CFAP74: variants seen among roughly 807,000 people sequenced by gnomAD.
The protein encoded by CFAP74 is cilia and flagella associated protein 74, also known as cilia- and flagella-associated protein 74.
Under a neutral mutation model 188.9 loss-of-function variants are expected in CFAP74, and 124 were observed. That is an observed-to-expected ratio of 0.66 (90% CI 0.57 to 0.76). The LOEUF is 0.76. Ranked by LOEUF, CFAP74 falls within the 30% of genes least tolerant of loss-of-function variation. The probability of loss-of-function intolerance (pLI) is 0.00; values close to 1 mark genes in which losing one functional copy is unlikely to be tolerated. For missense variants in CFAP74, 2,198 were observed against 2,165.2 expected (o/e 1.02, Z -0.30); for synonymous variants, 956 against 916.7 (o/e 1.04, Z -0.77).
Position 1,979,406 on chromosome 1 carries a change from T to C in CFAP74, c.501-5208A>G, listed in dbSNP as rs1225014427. 7.0e-3 allele frequency among the ~76,000 whole-genome samples: 472 copies of C among 67,314 alleles called. 3 individuals are homozygous for C. The highest frequency in any genetic ancestry group is 0.019 in the African/African-American group (307 of 16,496). 44.2% of individuals were successfully genotyped at this position (67,314 alleles called of 152,430 possible). Reference sequence around the variant, plus strand: ...GGGAAGGCGTCACGTGACAAGGCTGTGCAGAACACGCGTGTGGTACTGAGC... The same window carrying C: ...GGGAAGGCGTCACGTGACAAGGCTGCGCAGAACACGCGTGTGGTACTGAGC... On this transcript the variant is annotated intron_variant, in intron 6 of 38. Coordinates refer to ENST00000682832, the MANE Select transcript of CFAP74 (RefSeq NM_001304360.2).
intron 19 of CFAP74, among the ~76,000 whole-genome samples, chr1:1,946,724 A>C (rs1395071609): frequency 2.0e-5 from 3 of 152,080 alleles, no homozygotes; most frequent in East Asian, 3.9e-4. Flanking sequence ...GCCAGCATCC[A>C]CCCCAAGTTT....
Position 1,963,780 on chromosome 1 carries a change from C to G in CFAP74, c.1663G>C (p.Glu555Gln). ...TGGATGAAGTCCCGGAGGTGCTCCT[C>G]CACGCCCACCAGCTTGCAGTAGTTG... ...TINYCKLVGVEEHLRDFIHVD... is the reference protein window; with the variant it reads ...TINYCKLVGVQEHLRDFIHVD... Residue 555 changes from glutamate (E) to glutamine (Q), a missense_variant, in exon 14 of 39, where the codon GAG becomes CAG. Glu to Gln is a conservative substitution (Grantham distance 29). Coordinates refer to ENST00000682832, the MANE Select transcript of CFAP74 (RefSeq NM_001304360.2). The G allele has an allele frequency of 6.2e-7, 1 of 1,613,850 alleles. No individual in the cohort carries two copies. The highest frequency in any genetic ancestry group is 8.5e-7 in the Non-Finnish European group (1 of 1,179,818).
intron 4 of CFAP74, among the ~76,000 whole-genome samples, chr1:1,987,397 C>T (rs557801789): frequency 7.4e-4 from 113 of 152,290 alleles, no homozygotes; most frequent in African/African-American, 2.7e-3. Context: ...AGCTCCTCCA[C>T]CATCTTCCAG....
chr1:1,966,250 A>T, intron 12 of CFAP74, 121 bp downstream of exon 12: 1 of 926,682 alleles, frequency 1.1e-6, no homozygotes, highest in Non-Finnish European at 1.5e-6. Context: ...GGGAGATGGC[A>T]GGCACAGCCA....
At chr1:1,934,941 A>AATGAAAGTGTGAC (rs1351244889) in intron 25 of CFAP74, among the ~76,000 whole-genome samples, 100 of 76,278 alleles carry the variant, frequency 1.3e-3, no homozygotes, top group Non-Finnish European at 1.6e-3. Context: ...ACAGGTGTGT[A>AATGAAAGTGTGAC]CGTGGGTGTT....
Position 1,925,777 on chromosome 1 carries a change from C to T in CFAP74, c.4104+6G>A, listed in dbSNP as rs1471294547. 8 of 1,608,882 alleles carry T rather than the reference C, an allele frequency of 5.0e-6. No individual in the cohort carries two copies. The highest frequency in any genetic ancestry group is 6.8e-6 in the Non-Finnish European group (8 of 1,177,218). ...GAGCCAGCACCAGGGCCCACGTGTG[C>T]TTCACCTTGAAGCCTGAGGACACAG... On this transcript the variant is annotated splice_donor_region_variant and intron_variant, in intron 33 of 38. Transcript: ENST00000682832.
Position 1,926,562 on chromosome 1 carries a change from G to T in CFAP74, c.3773-50C>A, listed in dbSNP as rs564090760. 15 of 1,548,938 alleles carry T rather than the reference G, an allele frequency of 9.7e-6. No individual in the cohort carries two copies. The East Asian group carries it at 3.7e-4, about 38-fold the overall frequency. ...GCCCCAGCCCCAGGCCCCAGGGAGC[G>T]TCTCTGCCAGGGGTGGGCCGTGGGG... On this transcript the variant is annotated intron_variant, in intron 30 of 38. Coordinates refer to ENST00000682832, the MANE Select transcript of CFAP74 (RefSeq NM_001304360.2).
At chr1:1,922,446 C>A in intron 38 of CFAP74, 58 bp from the exon 39 acceptor site, 1 of 1,555,298 alleles carries the variant, frequency 6.4e-7, no homozygotes, top group Non-Finnish European at 8.8e-7. Context: ...CAGAGGAGAT[C>A]TGCTGTCTTC....
intron 25 of CFAP74, among the ~76,000 whole-genome samples, chr1:1,930,905 C>T (rs1652317224): frequency 6.6e-6 from 1 of 152,130 alleles, no homozygotes; most frequent in Non-Finnish European, 1.5e-5. Flanking sequence ...TAAAAAGAGG[C>T]CGGGACCTGG....
At chr1:1,961,940 G>A (rs1655118471) in intron 14 of CFAP74, among the ~76,000 whole-genome samples, 1 of 152,234 alleles carries the variant, frequency 6.6e-6, no homozygotes, top group Admixed American at 6.5e-5. Flanking sequence ...GCCCCTGGGG[G>A]CAGCCTCAGG....
At chr1:1,982,551 CCAG>C (rs1656969132) in intron 6 of CFAP74, among the ~76,000 whole-genome samples, 2 of 152,258 alleles carry the variant, frequency 1.3e-5, no homozygotes. Flanking sequence ...GGAGAGCAGA[CCAG>C]AGGTTGCCTG....
intron 28 of CFAP74, chr1:1,927,365 T>C (rs1263554738): frequency 7.1e-6 from 4 of 564,356 alleles, no homozygotes; most frequent in Non-Finnish European, 1.3e-5. Context: ...GGGTGGGGGG[T>C]GGTGGCTTTG....
chr1:1,972,212 C>T lies in CFAP74; in HGVS notation c.786-130G>A, dbSNP rs868353661. 1.1e-4 allele frequency: 81 copies of T among 711,988 alleles called. 2 individuals carry two copies. In the Middle Eastern group the frequency reaches 3.6e-3, roughly 32 times the overall value. The allele number at this position is 711,988 out of a possible 1,614,324, so 44.1% of individuals were successfully genotyped here. On this transcript the variant is annotated intron_variant, in intron 8 of 38. Coordinates refer to ENST00000682832, the MANE Select transcript of CFAP74 (RefSeq NM_001304360.2). ...CCTCCTGTCTCAGCCTCCCAAAGCG[C>T]TGGGATCACAGGCATGCACCACCAC...
chr1:1,954,907 G>A lies in CFAP74; in HGVS notation c.2176+784C>T, dbSNP rs201662806. On this transcript the variant is annotated intron_variant, in intron 18 of 38. Transcript: ENST00000682832. ...CACAGGCCAAGGGGCAGTGCAGAACGGCCTTCGCAACAGTGTGTACCACGA... is the reference window on the plus strand; with the variant it reads ...CACAGGCCAAGGGGCAGTGCAGAACAGCCTTCGCAACAGTGTGTACCACGA... 529 of 1,154,048 alleles carry A rather than the reference G, an allele frequency of 4.6e-4. 3 individuals carry two copies. Among genetic ancestry groups the A allele is most frequent in the Middle Eastern group, 7.9e-4 (2 of 2,534 alleles). 71.5% of individuals were successfully genotyped at this position (1,154,048 alleles called of 1,614,324 possible). A position where few individuals can be genotyped will look rare whatever the true frequency, so the allele number is the denominator to read the frequency against.
chr1:1,983,537 C>T (rs893345636), intron 6 of CFAP74: 7 of 152,294 alleles, frequency 4.6e-5, no homozygotes, highest in African/African-American at 1.7e-4. Context: ...ACCGAGGCTC[C>T]TTCTGACTGG....
At chr1:1,938,781 T>C (rs1653137596) in intron 25 of CFAP74, 74 bp downstream of exon 25, 3 of 1,481,000 alleles carry the variant, frequency 2.0e-6, no homozygotes, top group African/African-American at 2.8e-5. Flanking sequence ...GGGGATGTGG[T>C]GGAGCTGGGA....
intron 1 of CFAP74, among the ~76,000 whole-genome samples, chr1:1,998,162 C>T (rs553463407): frequency 1.5e-3 from 226 of 152,212 alleles, no homozygotes; most frequent in African/African-American, 5.4e-3. Flanking sequence ...CCTGTAATCC[C>T]AGCTACTTCG....
Position 1,960,009 on chromosome 1 carries a change from CAG to C in CFAP74, c.1714_1715del (p.Leu572ValfsTer7), listed in dbSNP as rs773892565. The C allele has an allele frequency of 1.6e-4, 261 of 1,591,978 alleles. 1 individual carries two copies. The highest frequency in any genetic ancestry group is 3.8e-4 in the East Asian group (16 of 42,322). On this transcript the variant is annotated frameshift_variant, in exon 15 of 39. Coordinates refer to ENST00000682832, the MANE Select transcript of CFAP74 (RefSeq NM_001304360.2). LOFTEE classifies it high-confidence loss of function. ...IHVDFDPPGP[L>X]SAGMSCEVLV... ...GCACTTCACAGGACATTCCGGCTGA[CAG>C]GGGGCCAGGGGGGTCAAAGCTGCAG...
intron 1 of CFAP74, among the ~76,000 whole-genome samples, chr1:2,002,276 A>G (rs1372096256): frequency 1.3e-5 from 2 of 152,108 alleles, no homozygotes; most frequent in Non-Finnish European, 1.5e-5. Flanking sequence ...TAAAGAATGT[A>G]TGTGGTATTA....
Sources: gnomAD v4.1 joint callset for allele counts (sites outside exome capture counted in the v4.1 genomes callset) on GRCh38, gnomAD v4.1.1 for gene constraint, MANE v1.5 for transcripts, NCBI Gene and HGNC (gene_info 2026-07-23, HGNC 2026-07-21) for gene names.